Variants in PLEK2 observed in about 807,000 individuals in gnomAD.
PLEK2 encodes the protein pleckstrin-2.
PLEK2 carries 29 observed loss-of-function variants against 43.8 expected under a neutral mutation model. The ratio of observed to expected loss-of-function variants is 0.66; its 90% CI spans 0.49 to 0.90. The LOEUF (loss-of-function observed/expected upper bound fraction) is 0.90, where lower values mean the gene tolerates loss of function less well. Among genes scored for constraint, PLEK2 ranks in the 40% least tolerant of loss-of-function variants. The probability of loss-of-function intolerance (pLI) is 0.00; values close to 1 mark genes in which losing one functional copy is unlikely to be tolerated. For missense variants in PLEK2, 398 were observed against 448.1 expected (o/e 0.89, Z 1.01); for synonymous variants, 162 against 173.2 (o/e 0.94, Z 0.51).
At chr14:67,394,596 G>C (rs573877841) in intron 3 of PLEK2, among the ~76,000 whole-genome samples, 1 of 152,166 alleles carries the variant, frequency 6.6e-6, no homozygotes, top group East Asian at 1.9e-4. Context: ...TTCAGTGCCT[G>C]GTGGGGAGTT....
Position 67,387,049 on chromosome 14 carries a change from C to A in PLEK2, c.*280G>T. The A allele has an allele frequency of 3.6e-6, 1 of 274,726 alleles. No homozygotes were observed. The highest frequency in any genetic ancestry group is 6.8e-6 in the Non-Finnish European group (1 of 147,598). 17.0% of individuals were successfully genotyped at this position (274,726 alleles called of 1,614,324 possible). On this transcript the variant is annotated 3_prime_UTR_variant, in exon 9 of 9. Transcript: ENST00000216446. ...GTGTAATTGTTCCAACAAAGGGAAC[C>A]TACTTTGGTGCCCGAGGAAATGGCT...
chr14:67,391,214 G>GA (rs1164609702), intron 6 of PLEK2, among the ~76,000 whole-genome samples: 2 of 151,424 alleles, frequency 1.3e-5, no homozygotes, highest in Non-Finnish European at 2.9e-5. Flanking sequence ...TGTGCATTAG[G>GA]AAAAAAGCAA....
intron 7 of PLEK2, among the ~76,000 whole-genome samples, chr14:67,389,253 A>G (rs766682306): frequency 3.9e-5 from 6 of 152,078 alleles, no homozygotes; most frequent in Non-Finnish European, 5.9e-5. Context: ...GTACTACTAA[A>G]TGCCAACGGG....
At chr14:67,396,570 T>G (rs2086011062) in intron 2 of PLEK2, among the ~76,000 whole-genome samples, 1 of 92,466 alleles carries the variant, frequency 1.1e-5, no homozygotes, top group African/African-American at 1.0e-4. Flanking sequence ...TTGACCACAC[T>G]GGAGGCCCTT....
chr14:67,397,943 G>C (rs542546158), intron 1 of PLEK2, 117 bp from the exon 2 acceptor site: 4 of 762,154 alleles, frequency 5.2e-6, no homozygotes, highest in Non-Finnish European at 8.2e-6. Context: ...CAGTCTCCAA[G>C]GAAGACAGCA....
chr14:67,387,225 C>G lies in PLEK2; in HGVS notation c.*104G>C. 8.7e-7 allele frequency: 1 copy of G among 1,144,758 alleles called. No homozygotes were observed. Among genetic ancestry groups the G allele is most frequent in the Non-Finnish European group, 1.2e-6 (1 of 812,144 alleles). The allele number at this position is 1,144,758 out of a possible 1,614,324, so 70.9% of individuals were successfully genotyped here. ...GCAGCATTCACTCTCCAAAGCAGTACAAAACTTACAAAGAAGTCAAAAGTC... is the reference window on the plus strand; with the variant it reads ...GCAGCATTCACTCTCCAAAGCAGTAGAAAACTTACAAAGAAGTCAAAAGTC... On this transcript the variant is annotated 3_prime_UTR_variant, in exon 9 of 9. Coordinates refer to ENST00000216446, the MANE Select transcript of PLEK2 (RefSeq NM_016445.3).
rs116940739 is a variant in PLEK2 at position 67,396,645 on chromosome 14, A to G, written c.207+1017T>C. ...TTCTTACTTTTACTCAAGACATTCT[A>G]CCTGTCCAGAATGACTGCCTCTCTC... On this transcript the variant is annotated intron_variant, in intron 2 of 8. Transcript: ENST00000216446. Among the ~76,000 whole-genome samples the G allele has an allele frequency of 4.0e-3, 612 of 152,250 alleles. No homozygotes were observed. In the East Asian group the frequency reaches 0.056, roughly 14 times the overall value.
chr14:67,401,349 CAAAT>C (rs1331523306), intron 1 of PLEK2, among the ~76,000 whole-genome samples: 2 of 151,618 alleles, frequency 1.3e-5, no homozygotes, highest in African/African-American at 4.8e-5. Flanking sequence ...AATAAATAAA[CAAAT>C]AAATAAAAAT....
intron 3 of PLEK2, among the ~76,000 whole-genome samples, chr14:67,393,944 C>T (rs1036681703): frequency 1.2e-4 from 19 of 152,142 alleles, no homozygotes; most frequent in African/African-American, 4.1e-4. Context: ...TGTGGTGATT[C>T]GCTGTCTCTA....
At chr14:67,387,955 CTAT>C (rs2085938527) in intron 8 of PLEK2, among the ~76,000 whole-genome samples, 1 of 152,138 alleles carries the variant, frequency 6.6e-6, no homozygotes, top group Admixed American at 6.5e-5. Context: ...TAAGCCTCAC[CTAT>C]TATTTTTAGG....
rs1008627528 is a variant in PLEK2 at position 67,393,199 on chromosome 14, A to G, written c.432T>C (p.Arg144=). Reference sequence around the variant, plus strand: ...TTCCCTGCTCCATGTTGGGGCTTGAACGGATTCCGGTGTTGCTATCGTGCA... The same window carrying G: ...TTCCCTGCTCCATGTTGGGGCTTGAGCGGATTCCGGTGTTGCTATCGTGCA... The part of the protein sequence containing the change: ...DKMHDSNTGI[R]SSPNMEQGST... Residue 144 remains arginine, a synonymous_variant, in exon 4 of 9, where the codon CGT becomes CGC. Coordinates refer to ENST00000216446, the MANE Select transcript of PLEK2 (RefSeq NM_016445.3). 4 of 1,613,896 alleles carry G rather than the reference A, an allele frequency of 2.5e-6. No individual in the cohort carries two copies. Among genetic ancestry groups the G allele is most frequent in the Non-Finnish European group, 3.4e-6 (4 of 1,179,920 alleles).
chr14:67,405,203 C>A (rs566742844), intron 1 of PLEK2, among the ~76,000 whole-genome samples: 2 of 122,308 alleles, frequency 1.6e-5, no homozygotes, highest in Non-Finnish European at 3.2e-5. Flanking sequence ...CCAGCCTGGG[C>A]GACAGAGCAA....
intron 6 of PLEK2, among the ~76,000 whole-genome samples, chr14:67,391,727 T>C (rs1282954055): frequency 6.6e-6 from 1 of 152,194 alleles, no homozygotes; most frequent in Non-Finnish European, 1.5e-5. Context: ...AGAATACCCT[T>C]TTTGTTAGGC....
chr14:67,393,841 G>A (rs771009995), intron 3 of PLEK2, among the ~76,000 whole-genome samples: 1 of 152,120 alleles, frequency 6.6e-6, no homozygotes, highest in Non-Finnish European at 1.5e-5. Context: ...CCTCCCCAGT[G>A]GTCACAGGTT....
At chr14:67,402,582 C>A (rs1266806728) in intron 1 of PLEK2, among the ~76,000 whole-genome samples, 1 of 152,294 alleles carries the variant, frequency 6.6e-6, no homozygotes, top group Non-Finnish European at 1.5e-5. Flanking sequence ...CAGCCCCTCA[C>A]CCACCCTTCC....
At chr14:67,411,865 C>T (rs1255014415) in intron 1 of PLEK2, among the ~76,000 whole-genome samples, 153 bp downstream of exon 1, 1 of 152,118 alleles carries the variant, frequency 6.6e-6, no homozygotes, top group African/African-American at 2.4e-5. Context: ...GCAGCTCTGC[C>T]CATCAGGGCC....
intron 3 of PLEK2, 30 bp downstream of exon 3, chr14:67,395,372 G>A: frequency 6.2e-7 from 1 of 1,603,240 alleles, no homozygotes; most frequent in Non-Finnish European, 8.5e-7. Context: ...AGGAGAGGCT[G>A]CCACAGAGCC....
In PLEK2 at chr14:67,387,276, C is replaced by T; in HGVS notation, c.*53G>A. ...TTAACACTCCCATTCTCCAGGAACT[C>T]TTGTCTGTGTCATCTGGTAGGAGGG... On this transcript the variant is annotated 3_prime_UTR_variant, in exon 9 of 9. Coordinates refer to ENST00000216446, the MANE Select transcript of PLEK2 (RefSeq NM_016445.3). The T allele has an allele frequency of 1.3e-6, 2 of 1,565,160 alleles. No individual in the cohort carries two copies. Among genetic ancestry groups the T allele is most frequent in the Middle Eastern group, 1.7e-4 (1 of 5,904 alleles).
intron 1 of PLEK2, 94 bp from the exon 2 acceptor site, chr14:67,397,920 G>T: frequency 1.0e-6 from 1 of 997,074 alleles, no homozygotes; most frequent in African/African-American, 1.6e-5. Flanking sequence ...TAACCAGACT[G>T]TGCTGTGGAA....
Sources: gnomAD v4.1 joint callset for allele counts (sites outside exome capture counted in the v4.1 genomes callset) on GRCh38, gnomAD v4.1.1 for gene constraint, MANE v1.5 for transcripts, NCBI Gene and HGNC (gene_info 2026-07-23, HGNC 2026-07-21) for gene names.